Variants in PARD3B observed in about 807,000 individuals in gnomAD.
The protein encoded by PARD3B is partitioning defective 3 homolog B.
PARD3B carries 103 observed loss-of-function variants against 130.2 expected under a neutral mutation model. The observed-to-expected ratio is 0.79, with a 90% CI of 0.67 to 0.93. The LOEUF is 0.93. Ranked by LOEUF, PARD3B falls within the 40% of genes least tolerant of loss-of-function variation. The pLI is 0.00. For synonymous variants in PARD3B, 583 were observed against 553.2 expected, an observed-to-expected ratio of 1.05 and a Z score of -0.76; for missense variants, 1,609 against 1,499.2, an observed-to-expected ratio of 1.07 and a Z score of -1.21.
intron 18 of PARD3B, among the ~76,000 whole-genome samples, chr2:205,365,743 G>A (rs1278050063): frequency 6.6e-6 from 1 of 152,122 alleles, no homozygotes; most frequent in African/African-American, 2.4e-5. Context: ...TCCAAGCATA[G>A]CGTGTTGGGA....
intron 2 of PARD3B, among the ~76,000 whole-genome samples, chr2:204,934,134 C>A (rs1350938071): frequency 6.6e-6 from 1 of 152,164 alleles, no homozygotes; most frequent in Admixed American, 6.5e-5. Flanking sequence ...GATTCTGGAC[C>A]AGTTTTCTCT....
intron 1 of PARD3B, among the ~76,000 whole-genome samples, chr2:204,680,234 A>C (rs2036762546): frequency 6.6e-6 from 1 of 152,040 alleles, no homozygotes; most frequent in South Asian, 2.1e-4. Flanking sequence ...AGGTTTTGAA[A>C]CAATAAATTC....
At chr2:204,755,287 A>G (rs1228865609) in intron 2 of PARD3B, among the ~76,000 whole-genome samples, 2 of 152,104 alleles carry the variant, frequency 1.3e-5, no homozygotes, top group Non-Finnish European at 2.9e-5. Context: ...CTGATGATCT[A>G]CTGACCCCCT....
In PARD3B at chr2:205,269,498, T is replaced by C. The variant is rs2040637128; in HGVS notation, c.2185+23676T>C. 6.6e-6 allele frequency among the ~76,000 whole-genome samples: 1 copy of C among 152,152 alleles called. No homozygotes were observed. The highest frequency in any genetic ancestry group is 2.4e-5 in the African/African-American group (1 of 41,428). ...TTAAGATTTCCAAGAACTTTTATAT[T>C]CAGGAATTTATATTCAGGAATTTCA... On this transcript the variant is annotated intron_variant, in intron 16 of 22. Transcript: ENST00000406610. The surrounding 1 kb of genome is among the most constrained non-coding windows in gnomAD (Gnocchi z 4.7).
chr2:205,198,619 T>C (rs1025361419), intron 15 of PARD3B, among the ~76,000 whole-genome samples: 1 of 152,176 alleles, frequency 6.6e-6, no homozygotes, highest in Non-Finnish European at 1.5e-5. Flanking sequence ...ATTTTGAATA[T>C]GAAACCTTTT....
intron 2 of PARD3B, among the ~76,000 whole-genome samples, chr2:204,940,952 A>G (rs1218347218): frequency 6.6e-6 from 1 of 152,146 alleles, no homozygotes; most frequent in Admixed American, 6.5e-5. Context: ...GTTATAAAAG[A>G]TGTACTACAA....
At chr2:204,970,744 A>G (rs1341942915) in intron 3 of PARD3B, among the ~76,000 whole-genome samples, 1 of 152,242 alleles carries the variant, frequency 6.6e-6, no homozygotes, top group Non-Finnish European at 1.5e-5. Context: ...TTCAGGATAA[A>G]AAGTACTTTA....
chr2:205,590,530 A>T lies in PARD3B; in HGVS notation c.3261-24926A>T, dbSNP rs7594189. Among the ~76,000 whole-genome samples the T allele has an allele frequency of 6.6e-6, 1 of 152,138 alleles. No individual in the cohort carries two copies. Among genetic ancestry groups the T allele is most frequent in the Non-Finnish European group, 1.5e-5 (1 of 68,044 alleles). The stretch of plus-strand genomic sequence containing the variant: ...CCCGAGGGGATGGAACGTTCTGATG[A>T]TCCAGGCCTGGGTCACATGCCCCTC... On this transcript the variant is annotated intron_variant, in intron 22 of 22. Transcript: ENST00000406610. The surrounding 1 kb of genome is among the most constrained non-coding windows in gnomAD (Gnocchi z 4.1).
chr2:204,764,809 A>G (rs1279432242), intron 2 of PARD3B, among the ~76,000 whole-genome samples: 1 of 151,270 alleles, frequency 6.6e-6, no homozygotes, highest in African/African-American at 2.4e-5. Context: ...GCTGCCAGTT[A>G]CCTCCATATT....
intron 1 of PARD3B, among the ~76,000 whole-genome samples, chr2:204,599,539 A>G (rs1280233894): frequency 6.6e-6 from 1 of 152,014 alleles, no homozygotes; most frequent in Non-Finnish European, 1.5e-5. Context: ...TTATGGCTTA[A>G]TAATATTCCA....
intron 2 of PARD3B, among the ~76,000 whole-genome samples, chr2:204,902,701 T>C (rs1417705312): frequency 6.6e-6 from 1 of 151,778 alleles, no homozygotes; most frequent in African/African-American, 2.4e-5. Context: ...AAGAATGAGT[T>C]TCTGTTTGTT....
chr2:205,296,571 A>C (rs758284036), intron 16 of PARD3B, among the ~76,000 whole-genome samples: 2 of 152,118 alleles, frequency 1.3e-5, no homozygotes, highest in East Asian at 1.9e-4. Context: ...TAGCTCTCTC[A>C]TGGGCCTCTT....
At chr2:205,006,640 C>A (rs1392334200) in intron 3 of PARD3B, among the ~76,000 whole-genome samples, 1 of 151,962 alleles carries the variant, frequency 6.6e-6, no homozygotes, top group African/African-American at 2.4e-5. Flanking sequence ...ATGTCCTTTG[C>A]CCACTTTTTG....
At chr2:204,842,474 C>T (rs2044292071) in intron 2 of PARD3B, among the ~76,000 whole-genome samples, 1 of 151,986 alleles carries the variant, frequency 6.6e-6, no homozygotes, top group Non-Finnish European at 1.5e-5. Flanking sequence ...ATATTGACAA[C>T]ATCTGGTATG....
intron 22 of PARD3B, among the ~76,000 whole-genome samples, chr2:205,555,285 A>G (rs1436198321): frequency 6.6e-6 from 1 of 152,168 alleles, no homozygotes; most frequent in Non-Finnish European, 1.5e-5. Context: ...TTCACCTTGT[A>G]TCTGGTGATC....
chr2:205,000,788 T>G (rs946335773), intron 3 of PARD3B, among the ~76,000 whole-genome samples: 1 of 152,146 alleles, frequency 6.6e-6, no homozygotes, highest in Non-Finnish European at 1.5e-5. Flanking sequence ...CCTACTTCCA[T>G]CCATATTGCT....
At chr2:204,710,520 A>G (rs1303865645) in intron 2 of PARD3B, among the ~76,000 whole-genome samples, 3 of 152,256 alleles carry the variant, frequency 2.0e-5, no homozygotes, top group Non-Finnish European at 4.4e-5. Context: ...CTCATGTGGT[A>G]GAAGTTTAGA....
chr2:205,396,122 C>T (rs949267480), intron 18 of PARD3B, among the ~76,000 whole-genome samples: 1 of 152,210 alleles, frequency 6.6e-6, no homozygotes, highest in Non-Finnish European at 1.5e-5. Context: ...CAAGACTTTT[C>T]TCCCACTCTT....
chr2:204,750,515 G>C (rs1261247808), intron 2 of PARD3B, among the ~76,000 whole-genome samples: 3 of 152,186 alleles, frequency 2.0e-5, no homozygotes, highest in East Asian at 1.9e-4. Context: ...GAGCCCTGGA[G>C]GTGGAGGTTG....
Sources: allele counts gnomAD v4.1 joint callset (sites outside exome capture counted in the v4.1 genomes callset), GRCh38; gene constraint gnomAD v4.1.1; non-coding constraint Gnocchi (gnomAD v3.1); transcripts MANE v1.5; gene names NCBI Gene and HGNC (gene_info 2026-07-23, HGNC 2026-07-21).